The following CDHR3 variants were observed in gnomAD, a reference collection of about 807,000 sequenced individuals.
The protein encoded by CDHR3 is cadherin related family member 3.
In CDHR3, 79 loss-of-function variants were observed where a neutral mutation model predicts 86.6. The ratio of observed to expected loss-of-function variants is 0.91; its 90% confidence interval spans 0.76 to 1.10. The LOEUF (loss-of-function observed/expected upper bound fraction) is 1.10. CDHR3 is among the 50% of genes least tolerant of loss of function. The pLI, the probability that CDHR3 is intolerant of heterozygous loss-of-function variation, is 0.00. For synonymous variants in CDHR3, 421 were observed against 402.4 expected (o/e 1.05, Z -0.55); for missense variants, 1,081 against 1,077.6 (o/e 1.00, Z -0.04).
chr7:105,975,087 G>A, intron 2 of CDHR3, 41 bp downstream of exon 2: 1 of 1,489,146 alleles, frequency 6.7e-7, no homozygotes, highest in Non-Finnish European at 9.4e-7. Context: ...CCTGCAAAGA[G>A]GTGATCCTGA....
intron 14 of CDHR3, among the ~76,000 whole-genome samples, chr7:106,023,465 C>T (rs1563303063): frequency 6.6e-6 from 1 of 152,192 alleles, no homozygotes; most frequent in East Asian, 1.9e-4. Flanking sequence ...TTGAATCTGA[C>T]AACAGGATTA....
chr7:106,012,745 A>G, intron 8 of CDHR3, 115 bp from the exon 9 acceptor site: 2 of 1,171,290 alleles, frequency 1.7e-6, no homozygotes, highest in Non-Finnish European at 1.2e-6. Flanking sequence ...TGCAATGACC[A>G]TGGACTTACT....
chr7:106,024,338 A>G, intron 14 of CDHR3, 43 bp from the exon 15 acceptor site: 7 of 1,561,098 alleles, frequency 4.5e-6, no homozygotes, highest in Non-Finnish European at 6.2e-6. Flanking sequence ...TGTCAAAATC[A>G]CTACCACCCT....
intron 1 of CDHR3, among the ~76,000 whole-genome samples, chr7:105,968,685 A>G (rs997088366): frequency 3.3e-5 from 5 of 152,178 alleles, no homozygotes; most frequent in Admixed American, 2.0e-4. Context: ...CTTATGTGGC[A>G]TCTGTGCTGT....
chr7:106,030,897 G>T lies in CDHR3; in HGVS notation c.2353+57G>T, dbSNP rs887925281. Reference sequence around the variant, plus strand: ...CTTTTTATATTCCAGACTGGTAGAAGCATGGAGGATCTTATCCAATTTCCT... The same window carrying T: ...CTTTTTATATTCCAGACTGGTAGAATCATGGAGGATCTTATCCAATTTCCT... On this transcript the variant is annotated intron_variant, in intron 18 of 18. Coordinates refer to ENST00000317716, the MANE Select transcript of CDHR3 (RefSeq NM_152750.5). The surrounding 1 kb of genome is among the most constrained non-coding windows in gnomAD (Gnocchi z 4.8). 7 of 1,490,126 alleles carry T rather than the reference G, an allele frequency of 4.7e-6. No homozygotes were observed. Among genetic ancestry groups the T allele is most frequent in the Non-Finnish European group, 6.5e-6 (7 of 1,082,128 alleles). The allele number at this position is 1,490,126 out of a possible 1,614,324, so 92.3% of individuals were successfully genotyped here.
At chr7:105,970,395 A>G (rs1827764140) in intron 1 of CDHR3, among the ~76,000 whole-genome samples, 1 of 152,250 alleles carries the variant, frequency 6.6e-6, no homozygotes, top group Admixed American at 6.5e-5. Flanking sequence ...AAGATGTTTC[A>G]GTGGGCGCCA....
chr7:106,015,476 T>A (rs150639763), intron 10 of CDHR3, among the ~76,000 whole-genome samples: 2 of 152,254 alleles, frequency 1.3e-5, no homozygotes, highest in Non-Finnish European at 2.9e-5. Context: ...TGACTTGGCA[T>A]ACAAGATTTT....
At chr7:105,974,726 G>A in intron 1 of CDHR3, 118 bp from the exon 2 acceptor site, 1 of 738,418 alleles carries the variant, frequency 1.4e-6, no homozygotes, top group Non-Finnish European at 2.3e-6. Flanking sequence ...CTCGGGGAGT[G>A]ACCAGCTCTC....
chr7:106,013,343 G>A (rs933051153), intron 9 of CDHR3, among the ~76,000 whole-genome samples: 1 of 152,160 alleles, frequency 6.6e-6, no homozygotes. Context: ...AGGCACTTTT[G>A]TTTATTTGAA....
At chr7:106,006,345 A>ACAGT (rs776349803) in intron 8 of CDHR3, among the ~76,000 whole-genome samples, 36 of 151,668 alleles carry the variant, frequency 2.4e-4, no homozygotes, top group Non-Finnish European at 4.3e-4. Flanking sequence ...TGCCTTCCCA[A>ACAGT]CAGTCATCCA....
At chr7:106,010,971 C>A (rs900413409) in intron 8 of CDHR3, among the ~76,000 whole-genome samples, 22 of 152,220 alleles carry the variant, frequency 1.4e-4, no homozygotes, top group African/African-American at 5.3e-4. Context: ...GCCTTAGTAT[C>A]TTTGCCATGA....
rs1838889540 is a variant in CDHR3, at chr7:106,035,946, G to A, written c.*3249G>A. 6.6e-6 allele frequency: 1 copy of A among 152,174 alleles called. No homozygotes were observed. Among genetic ancestry groups the A allele is most frequent in the South Asian group, 2.1e-4 (1 of 4,824 alleles). The allele number at this position is 152,174 out of a possible 1,614,324, so 9.4% of individuals were successfully genotyped here. ...TAAAATGAAGACAGCAACCGTCGTG[G>A]ATTTGGTGAAAGTTTTCTCCCATCT... is the stretch of plus-strand genomic sequence containing the variant. On this transcript the variant is annotated 3_prime_UTR_variant, in exon 19 of 19. Coordinates refer to ENST00000317716, the MANE Select transcript of CDHR3 (RefSeq NM_152750.5).
rs1329958148 is a variant in CDHR3 at position 105,991,623 on chromosome 7, A to G, written c.514-3128A>G. Among the ~76,000 whole-genome samples the G allele has an allele frequency of 2.6e-5, 4 of 152,206 alleles. No homozygotes were observed. In the East Asian group the frequency reaches 7.7e-4, roughly 29 times the overall value. On this transcript the variant is annotated intron_variant, in intron 4 of 18. Coordinates refer to ENST00000317716, the MANE Select transcript of CDHR3 (RefSeq NM_152750.5). ...ATATTTTTAAAAAATGTTTTACAGG[A>G]TGGTTTTTTGTTGTTGCTTTTTTGT...
At chr7:106,019,547 T>C (rs1305360400) in intron 12 of CDHR3, among the ~76,000 whole-genome samples, 2 of 152,220 alleles carry the variant, frequency 1.3e-5, no homozygotes, top group Non-Finnish European at 2.9e-5. Context: ...AAAGGGGTGA[T>C]GAACTAAACG....
chr7:105,993,061 GGCA>G (rs1477701228), intron 4 of CDHR3, among the ~76,000 whole-genome samples: 1 of 152,192 alleles, frequency 6.6e-6, no homozygotes, highest in Non-Finnish European at 1.5e-5. Flanking sequence ...TGGAAACCTT[GGCA>G]GGTGTTTCCT....
intron 6 of CDHR3, among the ~76,000 whole-genome samples, 156 bp downstream of exon 6, chr7:105,996,510 G>A (rs764605734): frequency 8.5e-5 from 13 of 152,116 alleles, no homozygotes; most frequent in African/African-American, 2.2e-4. Context: ...GTCTTTATCT[G>A]GGCCTCTGGA....
chr7:105,963,308 G>T lies in CDHR3; in HGVS notation c.-11G>T. On this transcript the variant is annotated 5_prime_UTR_variant, in exon 1 of 19. The change abolishes the stop of an existing upstream ORF in the 5' untranslated region. Coordinates refer to ENST00000317716, the MANE Select transcript of CDHR3 (RefSeq NM_152750.5). ...ATGTGCTGGAAGCACGCACAGTTGTGACCATCAAGTATGCAGGAAGCAATC... is the reference window on the plus strand; with the variant it reads ...ATGTGCTGGAAGCACGCACAGTTGTTACCATCAAGTATGCAGGAAGCAATC... 6.2e-7 allele frequency: 1 copy of T among 1,613,934 alleles called. No homozygotes were observed. Among genetic ancestry groups the T allele is most frequent in the South Asian group, 1.1e-5 (1 of 91,072 alleles).
intron 11 of CDHR3, 52 bp from the exon 12 acceptor site, chr7:106,017,794 C>T (rs1453622956): frequency 2.1e-6 from 3 of 1,428,938 alleles, no homozygotes; most frequent in Non-Finnish European, 2.9e-6. Context: ...CCTGAATCAT[C>T]CTTCTCTACC....
At chr7:105,964,096 G>A (rs1182781771) in intron 1 of CDHR3, among the ~76,000 whole-genome samples, 2 of 152,106 alleles carry the variant, frequency 1.3e-5, no homozygotes, top group Non-Finnish European at 2.9e-5. Context: ...TAAATGCTTA[G>A]TAAATGTTAG....
Sources: gnomAD v4.1 joint callset for allele counts (sites outside exome capture counted in the v4.1 genomes callset) on GRCh38, gnomAD v4.1.1 for gene constraint, Gnocchi (gnomAD v3.1) non-coding constraint, MANE v1.5 for transcripts, NCBI Gene and HGNC (gene_info 2026-07-23, HGNC 2026-07-21) for gene names.